The following RBM33 variants were observed in gnomAD, a reference collection of about 807,000 sequenced individuals.
RBM33 encodes the protein RNA binding motif protein 33.
RBM33 carries 28 observed loss-of-function variants against 132.6 expected under a neutral mutation model. The observed-to-expected ratio is 0.21, with a 90% CI of 0.16 to 0.29. The LOEUF (loss-of-function observed/expected upper bound fraction) is 0.29, where lower values mean the gene tolerates loss of function less well. Ranked by LOEUF, RBM33 falls within the 10% of genes least tolerant of loss-of-function variation. The pLI is 1.00. For missense variants in RBM33, 1,291 were observed against 1,518.5 expected (o/e 0.85, Z 2.49); for synonymous variants, 634 against 593.0 (o/e 1.07, Z -1.01).
At chr7:155,649,046 A>G (rs765614082) in intron 1 of RBM33, among the ~76,000 whole-genome samples, 22 of 151,932 alleles carry the variant, frequency 1.4e-4, no homozygotes, top group Non-Finnish European at 2.4e-4. Context: ...CATGTCTTTC[A>G]CCAAATTTGG....
intron 3 of RBM33, among the ~76,000 whole-genome samples, chr7:155,673,764 G>A (rs865872338): frequency 7.5e-4 from 13 of 17,238 alleles, no homozygotes; most frequent in East Asian, 3.0e-3. Flanking sequence ...ACGCGCGCAT[G>A]CGCGCACACA....
intron 8 of RBM33, among the ~76,000 whole-genome samples, chr7:155,714,047 G>A (rs547053691): frequency 6.6e-6 from 1 of 152,240 alleles, no homozygotes; most frequent in Admixed American, 6.5e-5. Context: ...GAGGAGAGGC[G>A]CTTTGGAGCA....
chr7:155,757,745 G>T (rs1016198631), intron 14 of RBM33, among the ~76,000 whole-genome samples: 1 of 152,086 alleles, frequency 6.6e-6, no homozygotes, highest in South Asian at 2.1e-4. Flanking sequence ...TTGGCCCAGG[G>T]TTCTGCAGGC....
At chr7:155,689,104 G>A (rs1307923998) in intron 5 of RBM33, among the ~76,000 whole-genome samples, 1 of 152,054 alleles carries the variant, frequency 6.6e-6, no homozygotes, top group Admixed American at 6.6e-5. Context: ...TCTGGTCCTG[G>A]ACTTTTTTTG....
intron 1 of RBM33, among the ~76,000 whole-genome samples, chr7:155,655,247 T>C (rs936621870): frequency 4.6e-5 from 7 of 152,234 alleles, no homozygotes; most frequent in Non-Finnish European, 7.3e-5. Context: ...GGGATATTTT[T>C]TCATGTCAGG....
At position 155,778,826 on chromosome 7, in the gene RBM33, C is replaced by T. The variant is rs1201945695; in HGVS notation, c.*3785C>T. 1.3e-5 allele frequency: 2 copies of T among 152,862 alleles called. No homozygotes were observed. The highest frequency in any genetic ancestry group is 2.1e-4 in the South Asian group (1 of 4,824). The allele number at this position is 152,862 out of a possible 1,614,324, so 9.5% of individuals were successfully genotyped here. A position where few individuals can be genotyped will look rare whatever the true frequency, so the allele number is the denominator to read the frequency against. On this transcript the variant is annotated 3_prime_UTR_variant, in exon 18 of 18. Coordinates refer to ENST00000401878, the MANE Select transcript of RBM33 (RefSeq NM_053043.3). The surrounding 1 kb of genome is among the most constrained non-coding windows in gnomAD (Gnocchi z 4.0). ...ATTGGGAAGGTAAGCGGAATGTGCT[C>T]ATAGACCATCAGACGCTTGTCGAAG... is the stretch of plus-strand genomic sequence containing the variant.
In RBM33 at chr7:155,672,871, C is replaced by T; in HGVS notation, c.127C>T (p.Leu43Phe). ...GTCTCTTTTTTTTCTCCCAAGTGAA[C>T]TTGAAGATGATTTACTTGGAGAAGA... ...RAADEDWDSE[L>F]EDDLLGEDLL... Residue 43 changes from leucine to phenylalanine, a missense_variant, in exon 3 of 18, where the codon CTT becomes TTT. Coordinates refer to ENST00000401878, the MANE Select transcript of RBM33 (RefSeq NM_053043.3). 2.6e-6 allele frequency: 4 copies of T among 1,544,952 alleles called. No homozygotes were observed. The highest frequency in any genetic ancestry group is 2.0e-5 in the Admixed American group (1 of 50,434).
At chr7:155,710,539 TCTTAC>T (rs1276623831) in intron 7 of RBM33, among the ~76,000 whole-genome samples, 2 of 152,198 alleles carry the variant, frequency 1.3e-5, no homozygotes, top group African/African-American at 2.4e-5. Flanking sequence ...TGTGTAATTT[TCTTAC>T]CTTCTTTCCT....
chr7:155,702,257 C>A (rs565316323), intron 6 of RBM33, among the ~76,000 whole-genome samples: 1 of 152,270 alleles, frequency 6.6e-6, no homozygotes, highest in South Asian at 2.1e-4. Context: ...TGTGGGAGGA[C>A]ACTAAGCTTC....
chr7:155,750,373 A>AC (rs76045594), intron 14 of RBM33, among the ~76,000 whole-genome samples: 49,656 of 152,128 alleles, frequency 0.33, 10,786 homozygotes, highest in African/African-American at 0.62. Flanking sequence ...GTGTAAACTT[A>AC]TATAGTCATC....
chr7:155,674,558 G>A (rs1799124651), intron 3 of RBM33, among the ~76,000 whole-genome samples: 1 of 152,224 alleles, frequency 6.6e-6, no homozygotes, highest in Middle Eastern at 3.2e-3. Flanking sequence ...CCAGAAAGCT[G>A]TGATAATTCC....
Position 155,774,781 on chromosome 7 carries a change from G to A in RBM33, c.3464+134G>A, listed in dbSNP as rs949576488. ...GTAGAAGGACACTAGGGCACAAAGC[G>A]CAGACGGTGATCCTGTCATGAGGCG... On this transcript the variant is annotated intron_variant, in intron 17 of 17. Transcript: ENST00000401878. The surrounding 1 kb of genome is among the most constrained non-coding windows in gnomAD (Gnocchi z 4.2). The A allele has an allele frequency of 9.5e-6, 8 of 843,268 alleles. No individual in the cohort carries two copies. Among genetic ancestry groups the A allele is most frequent in the East Asian group, 2.5e-5 (1 of 40,696 alleles). The allele number at this position is 843,268 out of a possible 1,614,324, so 52.2% of individuals were successfully genotyped here.
Position 155,780,606 on chromosome 7 carries a change from C to A in RBM33, c.*5565C>A, listed in dbSNP as rs62482831. Reference sequence around the variant, plus strand: ...TAACACTGGTAGCTCCTGTCCCATTCCAAGACTCACTCTCTCAGACCTTCC... The same window carrying A: ...TAACACTGGTAGCTCCTGTCCCATTACAAGACTCACTCTCTCAGACCTTCC... On this transcript the variant is annotated 3_prime_UTR_variant, in exon 18 of 18. Coordinates refer to ENST00000401878, the MANE Select transcript of RBM33 (RefSeq NM_053043.3). 0.021 allele frequency: 3,229 copies of A among 152,582 alleles called. 53 individuals carry two copies. The highest frequency in any genetic ancestry group is 0.031 in the Non-Finnish European group (2,146 of 68,218). The allele number at this position is 152,582 out of a possible 1,614,324, so 9.5% of individuals were successfully genotyped here.
chr7:155,704,441 C>T (rs573012523), intron 6 of RBM33, among the ~76,000 whole-genome samples: 2 of 152,250 alleles, frequency 1.3e-5, no homozygotes, highest in East Asian at 1.9e-4. Context: ...CCTCCTGGAG[C>T]TCAGTTGAGC....
chr7:155,732,987 G>C (rs1801000917), intron 9 of RBM33, among the ~76,000 whole-genome samples: 1 of 152,228 alleles, frequency 6.6e-6, no homozygotes, highest in South Asian at 2.1e-4. Context: ...TCAGAGGCTT[G>C]GGTATGTCTG....
chr7:155,699,687 T>C lies in RBM33; in HGVS notation c.568-1086T>C, dbSNP rs568939603. Reference sequence around the variant, plus strand: ...GTTCAGGCATTTGCTCTCCGAAAGATCTTTTTCCACTGGGAGGATTTATAG... The same window carrying C: ...GTTCAGGCATTTGCTCTCCGAAAGACCTTTTTCCACTGGGAGGATTTATAG... On this transcript the variant is annotated intron_variant, in intron 5 of 17. Transcript: ENST00000401878. 3.4e-4 allele frequency among the ~76,000 whole-genome samples: 52 copies of C among 152,314 alleles called. 3 individuals are homozygous for C. The South Asian group carries it at 0.01, about 30-fold the overall frequency.
chr7:155,722,328 T>C (rs1800652959), intron 9 of RBM33, among the ~76,000 whole-genome samples: 1 of 152,230 alleles, frequency 6.6e-6, no homozygotes, highest in Admixed American at 6.5e-5. Flanking sequence ...AACACATTTT[T>C]GTTCATGTCA....
intron 6 of RBM33, among the ~76,000 whole-genome samples, chr7:155,706,620 T>G (rs1016766509): frequency 2.6e-5 from 4 of 152,150 alleles, no homozygotes; most frequent in Admixed American, 6.5e-5. Context: ...ATTTAAAATT[T>G]ACTGTTAACA....
chr7:155,663,889 T>C (rs1798724182), intron 1 of RBM33, among the ~76,000 whole-genome samples: 1 of 152,214 alleles, frequency 6.6e-6, no homozygotes, highest in Non-Finnish European at 1.5e-5. Flanking sequence ...TTTCAATTCT[T>C]TGTTTACTAG....
Sources: gnomAD v4.1 joint callset for allele counts (sites outside exome capture counted in the v4.1 genomes callset) on GRCh38, gnomAD v4.1.1 for gene constraint, Gnocchi (gnomAD v3.1) non-coding constraint, MANE v1.5 for transcripts, NCBI Gene and HGNC (gene_info 2026-07-23, HGNC 2026-07-21) for gene names.